The following ZNF98 variants were observed in gnomAD, a reference collection of about 807,000 sequenced individuals.
ZNF98 encodes the protein zinc finger protein 739.
ZNF98 carries 8 observed loss-of-function variants against 12.8 expected under a neutral mutation model. That is an observed-to-expected ratio of 0.63 (90% CI 0.37 to 1.13). The LOEUF is 1.13. Among genes scored for constraint, ZNF98 ranks in the 50% most tolerant of loss-of-function variants. The pLI, the probability that ZNF98 is intolerant of heterozygous loss-of-function variation, is 0.01. For missense variants in ZNF98, 379 were observed against 666.1 expected (o/e 0.57, Z 4.74); for synonymous variants, 112 against 223.5 (o/e 0.50, Z 4.45).
chr19:22,417,505 A>AC (rs1177322575), intron 1 of ZNF98, among the ~76,000 whole-genome samples: 1 of 151,904 alleles, frequency 6.6e-6, no homozygotes, highest in Non-Finnish European at 1.5e-5. Context: ...TATGAGTGGG[A>AC]AACAGTGCAA....
At chr19:22,398,063 T>C (rs1206048238) in intron 3 of ZNF98, among the ~76,000 whole-genome samples, 8 of 151,318 alleles carry the variant, frequency 5.3e-5, no homozygotes, top group Non-Finnish European at 1.0e-4. Context: ...CAAATTTCGG[T>C]CACCAAATCG....
chr19:22,420,114 G>C lies in ZNF98; in HGVS notation c.30+2081C>G, dbSNP rs571096551. The stretch of plus-strand genomic sequence containing the variant: ...GGAGGCGGAGGTTGCAGTGAACCAA[G>C]ATCGCGCCACTGCACTCCAGCCTGG... On this transcript the variant is annotated intron_variant, in intron 1 of 3. Transcript: ENST00000357774. 1.3e-4 allele frequency among the ~76,000 whole-genome samples: 20 copies of C among 152,294 alleles called. 1 individual carries two copies. The South Asian group carries it at 2.7e-3, about 21-fold the overall frequency.
At position 22,391,695 on chromosome 19, in the gene ZNF98, C is replaced by T. The variant is rs1226539055; in HGVS notation, c.1540G>A (p.Gly514Arg). 1.9e-6 allele frequency: 3 copies of T among 1,613,912 alleles called. No homozygotes were observed. Among genetic ancestry groups the T allele is most frequent in the Non-Finnish European group, 2.5e-6 (3 of 1,179,956 alleles). ...HLTTHKMIHTGEKPYKCEECG... is the reference protein window; with the variant it reads ...HLTTHKMIHTREKPYKCEECG... The stretch of plus-strand genomic sequence containing the variant: ...TCTTCACACTTGTAGGGTTTCTCTC[C>T]AGTATGAATCATCTTATGTGTAGTA... The change falls in exon 4 of 4, where the codon GGA (glycine) becomes AGA (arginine). Residue 514 changes from glycine to arginine, a missense_variant. By Grantham distance (125) the Gly-to-Arg change is moderately radical. This residue lies in a region of ZNF98 where 59 missense variants were observed against 50.3 expected (regional missense o/e 1.17). Transcript: ENST00000357774.
At position 22,396,317 on chromosome 19, in the gene ZNF98, TAAA is replaced by T. The variant is rs1404914429; in HGVS notation, c.254-3339_254-3337del. On this transcript the variant is annotated intron_variant, in intron 3 of 3. Coordinates refer to ENST00000357774, the MANE Select transcript of ZNF98 (RefSeq NM_001098626.2). ...AACTGAGATTTATTTTATACCAAATTAAAACTATACTGTTGTTTCTTATAGAAG... is the reference window on the plus strand; with the variant it reads ...AACTGAGATTTATTTTATACCAAATTACTATACTGTTGTTTCTTATAGAAG... 3.7e-3 allele frequency among the ~76,000 whole-genome samples: 563 copies of T among 152,164 alleles called. 1 individual carries two copies. Among genetic ancestry groups the T allele is most frequent in the African/African-American group, 0.013 (539 of 41,538 alleles).
At position 22,392,710 on chromosome 19, in the gene ZNF98, T is replaced by G. The variant is rs753676390; in HGVS notation, c.525A>C (p.Gly175=). ...KFSNSNRHKI[G]HTGKKSFKCK... is the part of the protein sequence containing the mutation. Reference sequence around the variant, plus strand: ...ACTTGAAAGATTTCTTTCCAGTATGTCCTATCTTATGTCTGTTTGAATTTG... The same window carrying G: ...ACTTGAAAGATTTCTTTCCAGTATGGCCTATCTTATGTCTGTTTGAATTTG... The change falls in exon 4 of 4, where the codon GGA becomes GGC. Residue 175 remains glycine, a synonymous_variant. Transcript: ENST00000357774. 2.5e-6 allele frequency: 4 copies of G among 1,604,296 alleles called. No homozygotes were observed. The highest frequency in any genetic ancestry group is 3.5e-5 in the Admixed American group (2 of 57,516).
intron 1 of ZNF98, among the ~76,000 whole-genome samples, chr19:22,405,947 G>A (rs890625662): frequency 6.6e-6 from 1 of 152,270 alleles, no homozygotes; most frequent in Non-Finnish European, 1.5e-5. Context: ...CCAGCCAGGG[G>A]CTCAGGGACA....
chr19:22,397,212 T>TGTGTGTGTGTGTG (rs1555703682), intron 3 of ZNF98, among the ~76,000 whole-genome samples: 2 of 145,220 alleles, frequency 1.4e-5, no homozygotes, highest in African/African-American at 5.2e-5. Flanking sequence ...GTGTGTGTTT[T>TGTGTGTGTGTGTG]TGTGTGTGTG....
At chr19:22,419,623 T>C (rs538727325) in intron 1 of ZNF98, among the ~76,000 whole-genome samples, 17 of 152,298 alleles carry the variant, frequency 1.1e-4, no homozygotes, top group Non-Finnish European at 5.9e-5. Flanking sequence ...GATGAAATTA[T>C]AAGGCGCTTT....
chr19:22,417,277 T>C (rs955932255), intron 1 of ZNF98, among the ~76,000 whole-genome samples: 1 of 96,030 alleles, frequency 1.0e-5, no homozygotes, highest in African/African-American at 4.6e-5. Flanking sequence ...AGCTGAATAA[T>C]AAGAACACAT....
intron 1 of ZNF98, among the ~76,000 whole-genome samples, chr19:22,411,723 T>C (rs186510313): frequency 6.6e-6 from 1 of 152,194 alleles, no homozygotes; most frequent in Non-Finnish European, 1.5e-5. Flanking sequence ...AAAACAGAGA[T>C]AAACAAAATA....
chr19:22,401,280 G>T (rs920071127), intron 3 of ZNF98, among the ~76,000 whole-genome samples: 13 of 151,974 alleles, frequency 8.6e-5, no homozygotes, highest in South Asian at 2.1e-4. Flanking sequence ...ACATACAAGT[G>T]TAAGTTATGG....
At chr19:22,415,956 G>GACAGACACAC (rs1969636614) in intron 1 of ZNF98, among the ~76,000 whole-genome samples, 1 of 111,332 alleles carries the variant, frequency 9.0e-6, no homozygotes, top group Non-Finnish European at 1.7e-5. Context: ...AAAAACTACA[G>GACAGACACAC]ACACACACAC....
At chr19:22,402,375 A>G (rs769524292) in intron 3 of ZNF98, 81 of 394,468 alleles carry the variant, frequency 2.1e-4, no homozygotes, top group Non-Finnish European at 1.1e-4. Context: ...TAAAAAACCA[A>G]TGGAACAGAA....
rs1406245042 is a variant in ZNF98 at position 22,402,858 on chromosome 19, T to A, written c.184A>T (p.Ile62Phe). 1 of 1,590,198 alleles carries A rather than the reference T, an allele frequency of 6.3e-7. No individual in the cohort carries two copies. The highest frequency in any genetic ancestry group is 2.2e-5 in the East Asian group (1 of 44,466). ...VGIAASKPDL[I>F]TCLEQGKEPW... is the part of the protein sequence containing the mutation. ...TCTTTTCCTTGCTCCAGACAGGTGA[T>A]CAGGTCTGGCTTAGAGGCAGCAATA... The change falls in exon 3 of 4, where the codon ATC (isoleucine) becomes TTC (phenylalanine). Residue 62 changes from isoleucine to phenylalanine, a missense_variant. Physicochemically the swap from Ile to Phe is conservative, Grantham distance 21. Coordinates refer to ENST00000357774, the MANE Select transcript of ZNF98 (RefSeq NM_001098626.2).
rs1274894514 is a variant in ZNF98, at chr19:22,391,198, C to A, written c.*318G>T. ...CGTTTATATTTGTAATGTTTGTCTT[C>A]AAAATAAATCCTCTTCAGCACTTTA... On this transcript the variant is annotated 3_prime_UTR_variant, in exon 4 of 4. Coordinates refer to ENST00000357774, the MANE Select transcript of ZNF98 (RefSeq NM_001098626.2). 1 of 291,984 alleles carries A rather than the reference C, an allele frequency of 3.4e-6. No homozygotes were observed. Among genetic ancestry groups the A allele is most frequent in the African/African-American group, 2.2e-5 (1 of 45,284 alleles). The allele number at this position is 291,984 out of a possible 1,614,324, so 18.1% of individuals were successfully genotyped here. A position where few individuals can be genotyped will look rare whatever the true frequency, so the allele number is the denominator to read the frequency against.
chr19:22,422,139 A>G (rs1969711500), intron 1 of ZNF98, 56 bp downstream of exon 1: 11 of 1,609,200 alleles, frequency 6.8e-6, no homozygotes, highest in Non-Finnish European at 9.4e-6. Flanking sequence ...GCCTCTTCCC[A>G]CCGGTTCCAA....
At chr19:22,414,961 A>T in intron 1 of ZNF98, among the ~76,000 whole-genome samples, 1 of 152,200 alleles carries the variant, frequency 6.6e-6, no homozygotes, top group East Asian at 1.9e-4. Context: ...GAATAAAAGA[A>T]AATATTTGCA....
At chr19:22,396,694 CA>C in intron 3 of ZNF98, among the ~76,000 whole-genome samples, 1 of 151,722 alleles carries the variant, frequency 6.6e-6, no homozygotes, top group Non-Finnish European at 1.5e-5. Flanking sequence ...ACATTTCATG[CA>C]AATATGAATC....
At chr19:22,412,898 A>G (rs1326882573) in intron 1 of ZNF98, among the ~76,000 whole-genome samples, 2 of 151,586 alleles carry the variant, frequency 1.3e-5, no homozygotes, top group Non-Finnish European at 2.9e-5. Context: ...TAAAAATACA[A>G]AAAAATTAGC....
Sources: gnomAD v4.1 joint callset for allele counts (sites outside exome capture counted in the v4.1 genomes callset) on GRCh38, gnomAD v4.1.1 for gene constraint, gnomAD v4.1.1 regional missense constraint, MANE v1.5 for transcripts, NCBI Gene and HGNC (gene_info 2026-07-23, HGNC 2026-07-21) for gene names.